Variants in FAM209A observed in about 807,000 individuals in gnomAD.
The protein encoded by FAM209A is family with sequence similarity 209 member A, also known as protein FAM209A.
FAM209A carries 4 observed loss-of-function variants against 9.8 expected under a neutral mutation model. That is an observed-to-expected ratio of 0.41 (90% confidence interval 0.20 to 0.94). The LOEUF is 0.94. Ranked by LOEUF, FAM209A falls within the 40% of genes least tolerant of loss-of-function variation. The pLI is 0.32. For missense variants in FAM209A, 205 were observed against 209.4 expected, an observed-to-expected ratio of 0.98 and a Z score of 0.13; for synonymous variants, 55 against 77.8, an observed-to-expected ratio of 0.71 and a Z score of 1.54.
chr20:56,531,949 TTTTTCTTTTC>T, the FAM209A span, among the ~76,000 whole-genome samples: 18 of 126,372 alleles, frequency 1.4e-4, no homozygotes, highest in East Asian at 6.8e-4. Context: ...GTATACTCTT[TTTTTCTTTTC>T]TTTTCTTTTC....
chr20:56,524,773 C>G lies in FAM209A; in HGVS notation c.-36C>G. 6.2e-7 allele frequency: 1 copy of G among 1,609,070 alleles called. No individual in the cohort carries two copies. The highest frequency in any genetic ancestry group is 8.5e-7 in the Non-Finnish European group (1 of 1,176,342). On this transcript the variant is annotated 5_prime_UTR_variant, in exon 1 of 2. Coordinates refer to ENST00000371328, the MANE Select transcript of FAM209A (RefSeq NM_001012971.4). ...TCCCAGTTGCGAGGGCAAGCAAACC[C>G]GTCATGAGCAACTCCCTTCCCCATC...
At chr20:56,529,246 G>A (rs111591658), downstream of FAM209A, among the ~76,000 whole-genome samples, 640 of 151,942 alleles carry the variant, frequency 4.2e-3, 2 homozygotes, top group African/African-American at 0.015. Flanking sequence ...GCTGGGTGTG[G>A]TGGCTCACAC....
At position 56,526,021 on chromosome 20, in the gene FAM209A, C is replaced by G. The variant is rs758272607; in HGVS notation, c.467C>G (p.Pro156Arg). Residue 156 changes from proline (P) to arginine (R), a missense_variant, in exon 2 of 2, where the codon CCA (proline) becomes CGA (arginine). Pro to Arg is a moderately radical substitution (Grantham distance 103, BLOSUM62 -2). Coordinates refer to ENST00000371328, the MANE Select transcript of FAM209A (RefSeq NM_001012971.4). ...RLRKSEMPADPYHVTICEIWG... is the reference protein window; with the variant it reads ...RLRKSEMPADRYHVTICEIWG... ...CGAAAGTCAGAGATGCCTGCAGATC[C>G]ATACCATGTCACGATCTGTGAAATA... The G allele has an allele frequency of 4.3e-6, 7 of 1,613,526 alleles. No individual in the cohort carries two copies. In the South Asian group the frequency reaches 7.7e-5, roughly 18 times the overall value.
chr20:56,532,480 CTTT>C, the FAM209A span, among the ~76,000 whole-genome samples: 5,842 of 107,822 alleles, frequency 0.054, 69 homozygotes, highest in Middle Eastern at 0.071. Flanking sequence ...TTTTCTTTTT[CTTT>C]TTTTTTTTTT....
chr20:56,532,491 T>C, the FAM209A span, among the ~76,000 whole-genome samples: 3 of 130,732 alleles, frequency 2.3e-5, no homozygotes, highest in African/African-American at 1.1e-4. Flanking sequence ...TTTTTTTTTT[T>C]TTTTTTTTTT....
At chr20:56,526,497 G>C (rs1985536412), downstream of FAM209A, among the ~76,000 whole-genome samples, 1 of 152,052 alleles carries the variant, frequency 6.6e-6, no homozygotes, top group Admixed American at 6.6e-5. Context: ...GTTTTAAAAT[G>C]GTAAAATGAT....
At chr20:56,529,806 G>A (rs1196767774), downstream of FAM209A, among the ~76,000 whole-genome samples, 1 of 152,038 alleles carries the variant, frequency 6.6e-6, no homozygotes, top group Non-Finnish European at 1.5e-5. Flanking sequence ...TCCAGCCTGG[G>A]CAACAGAGAC....
chr20:56,531,159 C>G, the FAM209A span, among the ~76,000 whole-genome samples: 21 of 152,216 alleles, frequency 1.4e-4, no homozygotes, highest in African/African-American at 4.3e-4. Flanking sequence ...TTTTACCCAC[C>G]AACTCCTAAT....
At chr20:56,526,525 A>G (rs1985537422), downstream of FAM209A, among the ~76,000 whole-genome samples, 1 of 152,108 alleles carries the variant, frequency 6.6e-6, no homozygotes, top group Admixed American at 6.6e-5. Flanking sequence ...GGAGGGGTGT[A>G]TTCTAGAGTT....
chr20:56,524,928 G>C lies in FAM209A; in HGVS notation c.120G>C (p.Glu40Asp). ...CCCAGGGGAAGGTGCAATACGGAGA[G>C]CACTTTCGGATTCGGCAGAATCTAC... ...SEPQGKVQYG[E>D]HFRIRQNLPE... Residue 40 changes from glutamate to aspartate, a missense_variant, in exon 1 of 2, where the codon GAG becomes GAC. Transcript: ENST00000371328. The C allele has an allele frequency of 6.2e-7, 1 of 1,614,110 alleles. No individual in the cohort carries two copies. The highest frequency in any genetic ancestry group is 8.5e-7 in the Non-Finnish European group (1 of 1,179,966).
chr20:56,533,561 C>A, the FAM209A span: 992,918 of 1,613,552 alleles, frequency 0.62, 311,551 homozygotes, highest in African/African-American at 0.92. Context: ...TGTGATACTG[C>A]AGTGTCAAAG....
At chr20:56,531,954 C>CTTTTG in the FAM209A span, among the ~76,000 whole-genome samples, 1 of 126,948 alleles carries the variant, frequency 7.9e-6, no homozygotes, top group South Asian at 2.5e-4. Context: ...CTCTTTTTTT[C>CTTTTG]TTTTCTTTTC....
the FAM209A span, among the ~76,000 whole-genome samples, chr20:56,531,862 C>G: frequency 6.6e-6 from 1 of 151,560 alleles, no homozygotes; most frequent in East Asian, 1.9e-4. Context: ...CTCCTGACCT[C>G]AGGTGATCTG....
chr20:56,525,299 G>T (rs545377408), intron 1 of FAM209A, among the ~76,000 whole-genome samples: 3 of 152,280 alleles, frequency 2.0e-5, no homozygotes, highest in South Asian at 4.1e-4. Context: ...AGATTTTCTG[G>T]TTAGATGGAT....
the FAM209A span, among the ~76,000 whole-genome samples, chr20:56,532,480 CTTTTTTT>C: frequency 1.1e-3 from 124 of 108,224 alleles, no homozygotes; most frequent in Middle Eastern, 5.1e-3. Context: ...TTTTCTTTTT[CTTTTTTT>C]TTTTTTTTTT....
Position 56,526,083 on chromosome 20 carries a change from G to T in FAM209A, c.*13G>T, listed in dbSNP as rs1224425405. Reference sequence around the variant, plus strand: ...AAGCTCTAGCTGAATGGATTTGTGTGTCAGGAGAGAAAAAAGTTGAGTGTT... The same window carrying T: ...AAGCTCTAGCTGAATGGATTTGTGTTTCAGGAGAGAAAAAAGTTGAGTGTT... On this transcript the variant is annotated 3_prime_UTR_variant, in exon 2 of 2. Transcript: ENST00000371328. 3 of 1,560,228 alleles carry T rather than the reference G, an allele frequency of 1.9e-6. No individual in the cohort carries two copies. The highest frequency in any genetic ancestry group is 1.4e-5 in the African/African-American group (1 of 72,678).
downstream of FAM209A, among the ~76,000 whole-genome samples, chr20:56,527,923 A>G (rs1824906399): frequency 6.6e-6 from 1 of 152,182 alleles, no homozygotes; most frequent in Non-Finnish European, 1.5e-5. Context: ...CCTGGCCAAC[A>G]TGGTGAAAAC....
At chr20:56,530,964 T>C (rs1447948808), downstream of FAM209A, among the ~76,000 whole-genome samples, 1 of 152,170 alleles carries the variant, frequency 6.6e-6, no homozygotes, top group Non-Finnish European at 1.5e-5. Flanking sequence ...GGAAGATAGC[T>C]CTACAGATGA....
downstream of FAM209A, among the ~76,000 whole-genome samples, chr20:56,527,431 T>G (rs1169112557): frequency 6.6e-6 from 1 of 152,238 alleles, no homozygotes; most frequent in Non-Finnish European, 1.5e-5. Context: ...TCTTGGAGAA[T>G]GGTGACCTGC....
Sources: gnomAD v4.1 joint callset for allele counts (sites outside exome capture counted in the v4.1 genomes callset) on GRCh38, gnomAD v4.1.1 for gene constraint, MANE v1.5 for transcripts, NCBI Gene and HGNC (gene_info 2026-07-23, HGNC 2026-07-21) for gene names.